The following CDH23 variants were observed in gnomAD, a reference collection of about 807,000 sequenced individuals.
CDH23 encodes the protein cadherin related 23, also known as cadherin-23.
A neutral mutation model predicts 317.1 loss-of-function variants in CDH23; 189 were observed. The observed-to-expected ratio is 0.60, with a 90% CI of 0.53 to 0.67. CDH23 has a LOEUF of 0.67. Ranked by LOEUF, CDH23 falls within the 30% of genes least tolerant of loss-of-function variation. The pLI is 0.00. For missense variants in CDH23, 4,401 were observed against 4,592.4 expected, an observed-to-expected ratio of 0.96 and a Z score of 1.20; for synonymous variants, 1,839 against 1,876.8, an observed-to-expected ratio of 0.98 and a Z score of 0.52.
chr10:71,798,601 G>T, intron 50 of CDH23, 23 bp downstream of exon 50: 1 of 1,560,586 alleles, frequency 6.4e-7, no homozygotes, highest in South Asian at 1.2e-5. Context: ...TCTGTCAGAG[G>T]AGGGCTGGGG....
chr10:71,656,276 G>C (rs1589302010), intron 14 of CDH23, among the ~76,000 whole-genome samples: 1 of 152,238 alleles, frequency 6.6e-6, no homozygotes, highest in Non-Finnish European at 1.5e-5. Context: ...CCTGTAGACA[G>C]GTGGGCGGGA....
intron 14 of CDH23, among the ~76,000 whole-genome samples, chr10:71,652,252 C>G (rs1265123725): frequency 2.6e-5 from 4 of 152,196 alleles, no homozygotes; most frequent in African/African-American, 9.7e-5. Context: ...CCCCCTCTTC[C>G]CAGCCTGTCC....
chr10:71,631,456 G>A (rs1212295739), intron 11 of CDH23, among the ~76,000 whole-genome samples: 5 of 152,212 alleles, frequency 3.3e-5, no homozygotes, highest in Non-Finnish European at 7.3e-5. Flanking sequence ...AGATTGAGGC[G>A]AAGGAGGGAG....
intron 38 of CDH23, among the ~76,000 whole-genome samples, chr10:71,777,111 G>T (rs1402623843): frequency 6.6e-6 from 1 of 152,204 alleles, no homozygotes. Context: ...ATTTTTCACA[G>T]GTCAACAAGT....
rs761651491 is a variant in CDH23, at chr10:71,741,916, C to T, written c.4840C>T (p.Leu1614=). 38 of 1,594,744 alleles carry T rather than the reference C, an allele frequency of 2.4e-5. No individual in the cohort carries two copies. The highest frequency in any genetic ancestry group is 3.2e-5 in the Non-Finnish European group (37 of 1,170,282). ...TGTGGAGGACGAGGGCACCCCAACC[C>T]TGTCGGTGAGCGATGGGGGTGGCCA... ...ATVEDEGTPT[L]SATTHVYVTI... Residue 1614 remains leucine, a synonymous_variant, in exon 38 of 70, where the codon CTG becomes TTG. Coordinates refer to ENST00000224721, the MANE Select transcript of CDH23 (RefSeq NM_022124.6).
chr10:71,812,715 T>C, intron 67 of CDH23, 53 bp from the exon 68 acceptor site: 1 of 1,612,618 alleles, frequency 6.2e-7, no homozygotes. Flanking sequence ...CCCCCTCCCT[T>C]GTACATGTGT....
intron 31 of CDH23, 38 bp downstream of exon 31, chr10:71,730,642 C>G (rs781001183): frequency 6.2e-7 from 1 of 1,611,482 alleles, no homozygotes; most frequent in Non-Finnish European, 8.5e-7. Context: ...TCCCATTGCT[C>G]AGAGCAAACC....
chr10:71,643,954 C>G (rs1862699786), intron 12 of CDH23, 88 bp downstream of exon 12: 13 of 748,482 alleles, frequency 1.7e-5, no homozygotes, highest in South Asian at 1.7e-4. Context: ...GGGCACAGCT[C>G]AGCCCTCCCC....
At position 71,815,619 on chromosome 10, in the gene CDH23, T is replaced by C. The variant is rs1842108088; in HGVS notation, c.*341T>C. On this transcript the variant is annotated 3_prime_UTR_variant, in exon 70 of 70. Transcript: ENST00000224721. Reference sequence around the variant, plus strand: ...CTGAAAGAGGCCAAACAGGCCCTCCTCCCTCCCAGCTCCACCCCGCAAGCA... The same window carrying C: ...CTGAAAGAGGCCAAACAGGCCCTCCCCCCTCCCAGCTCCACCCCGCAAGCA... 1 of 222,160 alleles carries C rather than the reference T, an allele frequency of 4.5e-6. No individual in the cohort carries two copies. The allele number at this position is 222,160 out of a possible 1,614,324, so 13.8% of individuals were successfully genotyped here.
intron 3 of CDH23, among the ~76,000 whole-genome samples, chr10:71,475,050 G>C (rs1851716195): frequency 6.6e-6 from 1 of 152,224 alleles, no homozygotes; most frequent in Non-Finnish European, 1.5e-5. Flanking sequence ...AGGAAGACGG[G>C]AATGGTGACT....
intron 6 of CDH23, among the ~76,000 whole-genome samples, chr10:71,532,976 C>T (rs10999867): frequency 0.11 from 16,184 of 152,202 alleles, 1,131 homozygotes; most frequent in East Asian, 0.24. Flanking sequence ...AAGTGATCCA[C>T]TCGCCTTGCC....
At chr10:71,591,629 C>T (rs976069191) in intron 9 of CDH23, among the ~76,000 whole-genome samples, 4 of 152,102 alleles carry the variant, frequency 2.6e-5, no homozygotes, top group Non-Finnish European at 4.4e-5. Context: ...AACTACTAAA[C>T]AAATAATAAT....
intron 30 of CDH23, among the ~76,000 whole-genome samples, chr10:71,728,566 G>A (rs1053963093): frequency 6.6e-6 from 1 of 152,186 alleles, no homozygotes; most frequent in Non-Finnish European, 1.5e-5. Flanking sequence ...GTGACCAGAT[G>A]CCAGACACAC....
At chr10:71,475,311 G>A (rs1260181773) in intron 3 of CDH23, among the ~76,000 whole-genome samples, 1 of 152,216 alleles carries the variant, frequency 6.6e-6, no homozygotes, top group Admixed American at 6.5e-5. Flanking sequence ...CATCACAGTG[G>A]GGAGGGCGGG....
At chr10:71,453,686 G>A (rs958875608) in intron 3 of CDH23, among the ~76,000 whole-genome samples, 15 of 152,388 alleles carry the variant, frequency 9.8e-5, no homozygotes, top group African/African-American at 3.4e-4. Flanking sequence ...CACAGTGGGA[G>A]AATTATTTTT....
At chr10:71,576,777 C>A (rs894295998) in intron 8 of CDH23, among the ~76,000 whole-genome samples, 2 of 152,274 alleles carry the variant, frequency 1.3e-5, no homozygotes, top group South Asian at 4.1e-4. Context: ...AGGCAAGGGG[C>A]GACTCAGCGA....
Position 71,752,871 on chromosome 10 carries a change from C to T in CDH23, c.4845+10950C>T, listed in dbSNP as rs529157564. ...CAGCAGATGGCAGAGGCTCTTCTGA[C>T]CAGCTGCTCTAGGCAGCTAAACAGG... On this transcript the variant is annotated intron_variant, in intron 38 of 69. Coordinates refer to ENST00000224721, the MANE Select transcript of CDH23 (RefSeq NM_022124.6). The T allele has an allele frequency of 3.7e-6, 5 of 1,357,960 alleles. No individual in the cohort carries two copies. The Admixed American group carries it at 7.0e-5, about 19-fold the overall frequency. The allele number at this position is 1,357,960 out of a possible 1,614,324, so 84.1% of individuals were successfully genotyped here.
chr10:71,648,421 G>T (rs867777432), intron 14 of CDH23, among the ~76,000 whole-genome samples: 1 of 152,230 alleles, frequency 6.6e-6, no homozygotes, highest in Non-Finnish European at 1.5e-5. Context: ...CTGTGGGTCT[G>T]GGACCACGTG....
At chr10:71,590,408 C>G (rs1859386144) in intron 9 of CDH23, among the ~76,000 whole-genome samples, 1 of 152,230 alleles carries the variant, frequency 6.6e-6, no homozygotes, top group Admixed American at 6.5e-5. Context: ...CAGGCTGCTT[C>G]TGCTTTCTAT....
Sources: gnomAD v4.1 joint callset for allele counts (sites outside exome capture counted in the v4.1 genomes callset) on GRCh38, gnomAD v4.1.1 for gene constraint, MANE v1.5 for transcripts, NCBI Gene and HGNC (gene_info 2026-07-23, HGNC 2026-07-21) for gene names.